The following RBPJ variants were observed in gnomAD, a reference collection of about 807,000 sequenced individuals.
RBPJ encodes the protein recombining binding protein suppressor of hairless.
Under a neutral mutation model 67.8 loss-of-function variants are expected in RBPJ, and 9 were observed. The observed-to-expected ratio is 0.13, with a 90% CI of 0.08 to 0.23. The LOEUF is 0.23. Ranked by LOEUF, RBPJ falls within the 10% of genes least tolerant of loss-of-function variation. RBPJ has a pLI of 1.00. For synonymous variants in RBPJ, 198 were observed against 203.3 expected (o/e 0.97, Z 0.22); for missense variants, 305 against 595.6 (o/e 0.51, Z 5.08).
chr4:26,147,941 A>G, the RBPJ span, among the ~76,000 whole-genome samples: 7 of 152,330 alleles, frequency 4.6e-5, no homozygotes, highest in East Asian at 1.2e-3. Context: ...ACATCTGCAA[A>G]CTTTGTTAGA....
chr4:26,243,427 C>T (rs1719717236), intron 1 of RBPJ, among the ~76,000 whole-genome samples: 1 of 152,136 alleles, frequency 6.6e-6, no homozygotes, highest in Non-Finnish European at 1.5e-5. Flanking sequence ...TTGTGGATTG[C>T]TTGTATCCAC....
At chr4:26,180,359 G>A (rs1305401915) in intron 1 of RBPJ, among the ~76,000 whole-genome samples, 1 of 151,378 alleles carries the variant, frequency 6.6e-6, no homozygotes, top group Non-Finnish European at 1.5e-5. Flanking sequence ...AAGAAAGTAG[G>A]AGACCCTGAG....
chr4:26,424,505 G>A lies in RBPJ; in HGVS notation c.634+26G>A. The A allele has an allele frequency of 6.2e-7, 1 of 1,608,156 alleles. No individual in the cohort carries two copies. Among genetic ancestry groups the A allele is most frequent in the Non-Finnish European group, 8.5e-7 (1 of 1,176,626 alleles). On this transcript the variant is annotated intron_variant, in intron 6 of 10. Coordinates refer to ENST00000355476, the MANE Select transcript of RBPJ (RefSeq NM_015874.6). This position sits in a 1 kb window ranked among gnomAD's most constrained non-coding sequence, Gnocchi z 5.3. ...GTGAGTATAAAAGTGTGCATTTAAT[G>A]TTTTTAGTGTGAAATTGTTAAAATC...
chr4:26,152,065 C>T, the RBPJ span, among the ~76,000 whole-genome samples: 2 of 152,172 alleles, frequency 1.3e-5, no homozygotes, highest in East Asian at 1.9e-4. Context: ...AAAGTGCCTA[C>T]GTTGTGCCAG....
In RBPJ at chr4:26,218,120, G is replaced by A. The variant is rs147683635; in HGVS notation, c.-167+54506G>A. On this transcript the variant is annotated intron_variant, in intron 1 of 4. Coordinates refer to the RBPJ transcript ENST00000512351. ...ACATTGTTTCTCATTGTGTGACCTT[G>A]AGCAAACCCAGGGCCACAGTTTTGT... 1.8e-4 allele frequency among the ~76,000 whole-genome samples: 28 copies of A among 152,272 alleles called. No individual in the cohort carries two copies. The East Asian group carries it at 5.2e-3, about 28-fold the overall frequency.
At chr4:26,223,111 C>T (rs538734821) in intron 1 of RBPJ, among the ~76,000 whole-genome samples, 156 of 149,982 alleles carry the variant, frequency 1.0e-3, no homozygotes, top group Non-Finnish European at 1.8e-3. Context: ...GCCAAGATTG[C>T]GCCATCGCAC....
chr4:26,266,962 A>G (rs971320933), intron 1 of RBPJ, among the ~76,000 whole-genome samples: 1 of 152,216 alleles, frequency 6.6e-6, no homozygotes, highest in African/African-American at 2.4e-5. Flanking sequence ...CAAAAGCTCT[A>G]TAGAGGTTCT....
intron 1 of RBPJ, among the ~76,000 whole-genome samples, chr4:26,191,236 GAGAGAT>G (rs1380544359): frequency 6.7e-4 from 76 of 113,064 alleles, no homozygotes; most frequent in Middle Eastern, 5.4e-3. Flanking sequence ...GAGAGAGAGA[GAGAGAT>G]AGAGAGAGAG....
the RBPJ span, among the ~76,000 whole-genome samples, chr4:26,128,074 C>T: frequency 6.6e-6 from 1 of 152,208 alleles, no homozygotes; most frequent in Non-Finnish European, 1.5e-5. Context: ...TGCTGCCTTT[C>T]AGATAACAGC....
At chr4:26,242,448 A>G (rs1183408344) in intron 1 of RBPJ, among the ~76,000 whole-genome samples, 5 of 78,272 alleles carry the variant, frequency 6.4e-5, no homozygotes, top group African/African-American at 2.9e-4. Context: ...CTCTGTCTCA[A>G]AAAAAAAAAA....
chr4:26,182,299 G>C (rs766199037), intron 1 of RBPJ, among the ~76,000 whole-genome samples: 46 of 151,978 alleles, frequency 3.0e-4, no homozygotes, highest in Non-Finnish European at 4.9e-4. Context: ...CCGAGATCGC[G>C]CCACTGCACT....
rs569620504 is a variant in RBPJ at position 26,269,262 on chromosome 4, A to G, written c.-166-93184A>G. Among the ~76,000 whole-genome samples the G allele has an allele frequency of 1.4e-3, 209 of 147,482 alleles. 1 individual carries two copies. The highest frequency in any genetic ancestry group is 1.3e-3 in the Non-Finnish European group (85 of 66,020). On this transcript the variant is annotated intron_variant, in intron 1 of 4. Transcript: ENST00000512351. ...TTATTATTTATTTATTTATTTATTT[A>G]TTTATTTTTTTGACACAGGGTCTCG...
At chr4:26,129,451 G>C in the RBPJ span, among the ~76,000 whole-genome samples, 4 of 152,306 alleles carry the variant, frequency 2.6e-5, no homozygotes, top group South Asian at 8.3e-4. Context: ...GAGTAAAGTT[G>C]AGTGGAAAGA....
intron 1 of RBPJ, among the ~76,000 whole-genome samples, chr4:26,289,384 C>CAAAAAAAAAAAAAAAA (rs60159669): frequency 1.1e-3 from 88 of 78,294 alleles, no homozygotes; most frequent in African/African-American, 3.7e-3. Context: ...GACTTGGTCT[C>CAAAAAAAAAAAAAAAA]AAAAAAAAAA....
intron 2 of RBPJ, among the ~76,000 whole-genome samples, chr4:26,399,442 T>A (rs1229982460): frequency 6.6e-6 from 1 of 152,182 alleles, no homozygotes; most frequent in Non-Finnish European, 1.5e-5. Context: ...TAAAAGTAGA[T>A]CCATTAGAAA....
intron 2 of RBPJ, among the ~76,000 whole-genome samples, chr4:26,405,452 A>G (rs1327110001): frequency 6.6e-6 from 1 of 152,224 alleles, no homozygotes; most frequent in Non-Finnish European, 1.5e-5. Context: ...TAGCAAAACA[A>G]TTGAGTATGT....
chr4:26,148,244 A>G, the RBPJ span, among the ~76,000 whole-genome samples: 5 of 96,338 alleles, frequency 5.2e-5, no homozygotes, highest in Non-Finnish European at 6.4e-5. Flanking sequence ...GAGATGAACT[A>G]CTTAAGGAAA....
intron 7 of RBPJ, among the ~76,000 whole-genome samples, chr4:26,428,097 C>G (rs892888650): frequency 1.3e-5 from 2 of 152,194 alleles, no homozygotes; most frequent in African/African-American, 2.4e-5. Flanking sequence ...AGCAATTTGT[C>G]TGACCTTTCT....
At chr4:26,255,811 A>C (rs1720324161) in intron 1 of RBPJ, among the ~76,000 whole-genome samples, 1 of 151,446 alleles carries the variant, frequency 6.6e-6, no homozygotes, top group African/African-American at 2.4e-5. Flanking sequence ...CAAAAAAAAA[A>C]AAAAAAAGAA....
Sources: allele counts gnomAD v4.1 joint callset (sites outside exome capture counted in the v4.1 genomes callset), GRCh38; gene constraint gnomAD v4.1.1; non-coding constraint Gnocchi (gnomAD v3.1); transcripts MANE v1.5; gene names NCBI Gene and HGNC (gene_info 2026-07-23, HGNC 2026-07-21).